Variants in ALDH5A1 observed in about 807,000 individuals in gnomAD.
ALDH5A1 encodes the protein aldehyde dehydrogenase 5 family member A1, also known as succinate-semialdehyde dehydrogenase, mitochondrial.
Under a neutral mutation model 54.7 loss-of-function variants are expected in ALDH5A1, and 33 were observed. That is an observed-to-expected ratio of 0.60 (90% CI 0.46 to 0.81). The LOEUF (loss-of-function observed/expected upper bound fraction) is 0.81, where lower values mean the gene tolerates loss of function less well. ALDH5A1 is among the 30% of genes least tolerant of loss of function. ALDH5A1 has a pLI of 0.00. For missense variants in ALDH5A1, 657 were observed against 711.0 expected, an observed-to-expected ratio of 0.92 and a Z score of 0.86; for synonymous variants, 294 against 292.7, an observed-to-expected ratio of 1.00 and a Z score of -0.05.
rs1252564047 is a variant in ALDH5A1 at position 24,503,388 on chromosome 6, C to T, written c.564C>T (p.Ala188=). Residue 188 remains alanine (A), a synonymous_variant, in exon 3 of 10, where the codon GCC becomes GCT. Transcript: ENST00000357578. ...IIHTPAKDRR[A]LVLKQPIGVA... ...ACACCCCGGCAAAGGACAGGCGGGC[C>T]CTGGTCCTCAAGCAGCCCATAGGCG... The T allele has an allele frequency of 6.8e-6, 11 of 1,613,798 alleles. No individual in the cohort carries two copies. In the South Asian group the frequency reaches 1.2e-4, roughly 18 times the overall value.
chr6:24,533,919 C>G lies in ALDH5A1; in HGVS notation c.*207C>G. On this transcript the variant is annotated 3_prime_UTR_variant, in exon 10 of 10. Coordinates refer to ENST00000357578, the MANE Select transcript of ALDH5A1 (RefSeq NM_001080.3). Reference sequence around the variant, plus strand: ...AATATGTGCCACGTGCCTGTGGCTGCAGACTCCCAGAGAACCAGCACTGGG... The same window carrying G: ...AATATGTGCCACGTGCCTGTGGCTGGAGACTCCCAGAGAACCAGCACTGGG... 1 of 529,982 alleles carries G rather than the reference C, an allele frequency of 1.9e-6. No individual in the cohort carries two copies. Among genetic ancestry groups the G allele is most frequent in the Non-Finnish European group, 3.3e-6 (1 of 299,304 alleles). 32.8% of individuals were successfully genotyped at this position (529,982 alleles called of 1,614,324 possible). A position where few individuals can be genotyped will look rare whatever the true frequency, so the allele number is the denominator to read the frequency against.
At chr6:24,497,003 G>A (rs550919012) in intron 1 of ALDH5A1, among the ~76,000 whole-genome samples, 71 of 152,272 alleles carry the variant, frequency 4.7e-4, no homozygotes, top group South Asian at 1.2e-3. Flanking sequence ...TCCGGAGTTG[G>A]TTCCTGCCGG....
At chr6:24,496,317 A>G (rs1337665272) in intron 1 of ALDH5A1, among the ~76,000 whole-genome samples, 1 of 152,196 alleles carries the variant, frequency 6.6e-6, no homozygotes, top group African/African-American at 2.4e-5. Flanking sequence ...AACAACAAAC[A>G]TAATATCTAA....
At chr6:24,512,839 A>G (rs896701538) in intron 4 of ALDH5A1, among the ~76,000 whole-genome samples, 1 of 152,024 alleles carries the variant, frequency 6.6e-6, no homozygotes, top group East Asian at 1.9e-4. Context: ...GCAGGCACAC[A>G]CCATCATGCC....
chr6:24,532,260 G>T, intron 9 of ALDH5A1, 83 bp downstream of exon 9: 3 of 1,415,188 alleles, frequency 2.1e-6, no homozygotes, highest in Non-Finnish European at 3.0e-6. Context: ...ACATCACCCT[G>T]GGTTTTGAGA....
At position 24,501,095 on chromosome 6, in the gene ALDH5A1, A is replaced by C. The variant is rs1048868229; in HGVS notation, c.355-1428A>C. Among the ~76,000 whole-genome samples, 7 of 152,206 alleles carry C rather than the reference A, an allele frequency of 4.6e-5. No individual in the cohort carries two copies. In the East Asian group the frequency reaches 1.3e-3, roughly 29 times the overall value. ...GATCAAAGTAATCTTATTTTAACAG[A>C]TCAAGGTAAAATGCTTATTTTAACA... On this transcript the variant is annotated intron_variant, in intron 1 of 9. Coordinates refer to ENST00000357578, the MANE Select transcript of ALDH5A1 (RefSeq NM_001080.3).
At position 24,526,679 on chromosome 6, in the gene ALDH5A1, G is replaced by A. The variant is rs913068533; in HGVS notation, c.1174-1318G>A. Among the ~76,000 whole-genome samples the A allele has an allele frequency of 2.0e-5, 3 of 151,342 alleles. No individual in the cohort carries two copies. The East Asian group carries it at 5.8e-4, about 29-fold the overall frequency. ...TCCTGTTAATACCCGTCCAGTAGTA[G>A]GAGTTCTGGAGTGAAATAATTGGGA... On this transcript the variant is annotated intron_variant, in intron 7 of 9. Coordinates refer to ENST00000357578, the MANE Select transcript of ALDH5A1 (RefSeq NM_001080.3).
intron 4 of ALDH5A1, chr6:24,511,881 G>T: frequency 1.7e-6 from 1 of 597,538 alleles, no homozygotes; most frequent in Non-Finnish European, 3.1e-6. Context: ...GAGCTCATGT[G>T]ATTTTTGGGG....
At chr6:24,532,991 G>A (rs145013781) in intron 9 of ALDH5A1, among the ~76,000 whole-genome samples, 120 of 152,296 alleles carry the variant, frequency 7.9e-4, no homozygotes, top group Non-Finnish European at 8.5e-4. Context: ...TTGTGCAGAA[G>A]CTGGAGGAGA....
chr6:24,507,401 T>C (rs1287278121), intron 4 of ALDH5A1, among the ~76,000 whole-genome samples: 1 of 152,168 alleles, frequency 6.6e-6, no homozygotes, highest in Non-Finnish European at 1.5e-5. Flanking sequence ...ATTCAGATGG[T>C]AACCTAAGTT....
chr6:24,511,742 T>C, intron 4 of ALDH5A1: 1 of 402,790 alleles, frequency 2.5e-6, no homozygotes, highest in Non-Finnish European at 4.4e-6. Context: ...CTTTTTTTTT[T>C]TTTTTGTGAC....
intron 1 of ALDH5A1, among the ~76,000 whole-genome samples, chr6:24,499,074 C>T (rs1701186210): frequency 6.7e-6 from 1 of 149,034 alleles, no homozygotes; most frequent in African/African-American, 2.5e-5. Flanking sequence ...TGCACTCCAG[C>T]CTGGTGGACA....
rs1249299748 is a variant in ALDH5A1, at chr6:24,499,783, C to T, written c.355-2740C>T. On this transcript the variant is annotated intron_variant, in intron 1 of 9. Transcript: ENST00000357578. ...CCTAGGTTCTCCTGCCTCAGCCTCC[C>T]GAGTAGCTGGGACTACAGGCGCCTG... Among the ~76,000 whole-genome samples, 10 of 152,004 alleles carry T rather than the reference C, an allele frequency of 6.6e-5. No individual in the cohort carries two copies. The South Asian group carries it at 1.7e-3, about 25-fold the overall frequency.
At chr6:24,519,614 G>A (rs1759636012) in intron 5 of ALDH5A1, among the ~76,000 whole-genome samples, 1 of 151,984 alleles carries the variant, frequency 6.6e-6, no homozygotes, top group East Asian at 1.9e-4. Flanking sequence ...GACACAAGAG[G>A]ATCTTCACAT....
chr6:24,517,235 G>A (rs983817486), intron 5 of ALDH5A1, among the ~76,000 whole-genome samples: 2 of 152,142 alleles, frequency 1.3e-5, no homozygotes, highest in African/African-American at 4.8e-5. Context: ...GGAACTCCTG[G>A]CCTCAAGTGA....
chr6:24,514,841 T>TGGCTCACTGCAACCTC (rs1759531482), intron 4 of ALDH5A1, among the ~76,000 whole-genome samples: 1 of 152,068 alleles, frequency 6.6e-6, no homozygotes, highest in Non-Finnish European at 1.5e-5. Context: ...GGCGCAACCT[T>TGGCTCACTGCAACCTC]GGCTCACTGC....
At chr6:24,527,350 A>G (rs1230760665) in intron 7 of ALDH5A1, among the ~76,000 whole-genome samples, 2 of 151,964 alleles carry the variant, frequency 1.3e-5, no homozygotes, top group African/African-American at 2.4e-5. Flanking sequence ...AAGGCGGGTG[A>G]ATCACGAGGT....
intron 1 of ALDH5A1, among the ~76,000 whole-genome samples, chr6:24,497,369 G>A (rs1432804547): frequency 6.6e-6 from 1 of 151,246 alleles, no homozygotes; most frequent in Non-Finnish European, 1.5e-5. Flanking sequence ...GTTGATTGGT[G>A]TATTTTACAA....
At chr6:24,499,294 A>G (rs1425220069) in intron 1 of ALDH5A1, among the ~76,000 whole-genome samples, 1 of 151,956 alleles carries the variant, frequency 6.6e-6, no homozygotes, top group Non-Finnish European at 1.5e-5. Context: ...TGTCTCAAAA[A>G]ACAAAAATGA....
Sources: gnomAD v4.1 joint callset for allele counts (sites outside exome capture counted in the v4.1 genomes callset) on GRCh38, gnomAD v4.1.1 for gene constraint, MANE v1.5 for transcripts, NCBI Gene and HGNC (gene_info 2026-07-23, HGNC 2026-07-21) for gene names.